Variants in NUP153 observed in about 807,000 individuals in gnomAD.
NUP153 encodes nuclear pore complex protein Nup153.
A neutral mutation model predicts 134.6 loss-of-function variants in NUP153; 27 were observed. That is an observed-to-expected ratio of 0.20 (90% CI 0.15 to 0.28). The LOEUF (loss-of-function observed/expected upper bound fraction) is 0.28. Among genes scored for constraint, NUP153 ranks in the 10% least tolerant of loss-of-function variants. The pLI, the probability that NUP153 is intolerant of heterozygous loss-of-function variation, is 1.00. For synonymous variants in NUP153, 640 were observed against 623.5 expected, an observed-to-expected ratio of 1.03 and a Z score of -0.40; for missense variants, 1,821 against 1,731.3, an observed-to-expected ratio of 1.05 and a Z score of -0.92.
chr6:17,675,325 G>A lies in NUP153; in HGVS notation c.627C>T (p.Ser209=), dbSNP rs1253402659. The change falls in exon 4 of 22, where the codon TCC becomes TCT. Residue 209 remains serine, a synonymous_variant. Coordinates refer to ENST00000262077, the MANE Select transcript of NUP153 (RefSeq NM_005124.4). The surrounding 1 kb of genome is among the most constrained non-coding windows in gnomAD (Gnocchi z 4.4). ...SKNTSLPPLW[S]PEAERSHSLS... ...GTGAGTGAGAACGTTCAGCTTCTGGGGACCACAGAGGTGGCAATGAAGTGT... is the reference window on the plus strand; with the variant it reads ...GTGAGTGAGAACGTTCAGCTTCTGGAGACCACAGAGGTGGCAATGAAGTGT... 1.2e-6 allele frequency: 2 copies of A among 1,613,830 alleles called. No individual in the cohort carries two copies.
intron 2 of NUP153, among the ~76,000 whole-genome samples, chr6:17,682,270 G>C (rs888260012): frequency 6.6e-6 from 1 of 152,124 alleles, no homozygotes; most frequent in African/African-American, 2.4e-5. Flanking sequence ...ATAACAATCT[G>C]CTGAGCCTTT....
At chr6:17,662,209 T>C in intron 9 of NUP153, 139 bp from the exon 10 acceptor site, 1 of 724,428 alleles carries the variant, frequency 1.4e-6, no homozygotes, top group Non-Finnish European at 2.3e-6. Flanking sequence ...AATTTGAAAT[T>C]ACACCCTGCC....
intron 1 of NUP153, among the ~76,000 whole-genome samples, chr6:17,699,264 A>G (rs896535646): frequency 2.0e-5 from 3 of 151,604 alleles, no homozygotes; most frequent in African/African-American, 7.3e-5. Context: ...TGGGAATCTG[A>G]GGCAGGCAGA....
At chr6:17,626,224 T>C in intron 18 of NUP153, 60 bp from the exon 19 acceptor site, 1 of 1,318,834 alleles carries the variant, frequency 7.6e-7, no homozygotes, top group Admixed American at 2.0e-5. Flanking sequence ...AGAAAGTACT[T>C]TTTCCTACCC....
intron 5 of NUP153, among the ~76,000 whole-genome samples, chr6:17,671,869 A>G (rs575019119): frequency 2.0e-5 from 3 of 152,250 alleles, no homozygotes; most frequent in African/African-American, 7.2e-5. Flanking sequence ...TTAGTGGGGC[A>G]TGGTGGTGTG....
At chr6:17,630,540 G>A (rs1179622554) in intron 17 of NUP153, among the ~76,000 whole-genome samples, 1 of 152,106 alleles carries the variant, frequency 6.6e-6, no homozygotes, top group Non-Finnish European at 1.5e-5. Flanking sequence ...GTCTGTGCCT[G>A]TAGTCTCAGC....
At position 17,615,968 on chromosome 6, in the gene NUP153, G is replaced by A; in HGVS notation, c.*129C>T. 3.3e-6 allele frequency: 2 copies of A among 606,938 alleles called. No individual in the cohort carries two copies. The allele number at this position is 606,938 out of a possible 1,614,324, so 37.6% of individuals were successfully genotyped here. On this transcript the variant is annotated 3_prime_UTR_variant, in exon 22 of 22. Coordinates refer to ENST00000262077, the MANE Select transcript of NUP153 (RefSeq NM_005124.4). The surrounding 1 kb of genome is among the most constrained non-coding windows in gnomAD (Gnocchi z 5.7). ...GCTTCTGTAACGAAAGAGAAAGGAG[G>A]AAAATTCCAAAATTAAAGAAGTCCT...
intron 11 of NUP153, among the ~76,000 whole-genome samples, chr6:17,659,580 C>A (rs1205422809): frequency 1.3e-5 from 2 of 152,178 alleles, no homozygotes; most frequent in East Asian, 3.9e-4. Flanking sequence ...TCAAGTGATT[C>A]TCCTGCCTCA....
chr6:17,622,295 C>A (rs868618063), intron 20 of NUP153, among the ~76,000 whole-genome samples: 1 of 152,002 alleles, frequency 6.6e-6, no homozygotes, highest in Admixed American at 6.6e-5. Context: ...ACAAACCACG[C>A]CCCCCTCCAA....
chr6:17,663,968 A>G (rs995390606), intron 9 of NUP153, among the ~76,000 whole-genome samples: 3 of 152,196 alleles, frequency 2.0e-5, no homozygotes, highest in Non-Finnish European at 4.4e-5. Context: ...TTATACATAA[A>G]TGTTGACAGG....
intron 18 of NUP153, among the ~76,000 whole-genome samples, 183 bp from the exon 19 acceptor site, chr6:17,626,347 A>G (rs1057119376): frequency 5.3e-5 from 8 of 152,242 alleles, no homozygotes; most frequent in Admixed American, 2.0e-4. Flanking sequence ...AGTCAAATAC[A>G]TTCATCTTCT....
intron 8 of NUP153, among the ~76,000 whole-genome samples, chr6:17,667,550 T>TA (rs529353984): frequency 6.6e-6 from 1 of 151,908 alleles, no homozygotes; most frequent in Non-Finnish European, 1.5e-5. Flanking sequence ...CCATCTCTAC[T>TA]AAAAATACAA....
rs1769118123 is a variant in NUP153 at position 17,689,012 on chromosome 6, T to C, written c.112-394A>G. 1.3e-5 allele frequency among the ~76,000 whole-genome samples: 2 copies of C among 152,106 alleles called. 1 individual carries two copies. The highest frequency in any genetic ancestry group is 4.1e-4 in the South Asian group (2 of 4,836). On this transcript the variant is annotated intron_variant, in intron 1 of 21. Transcript: ENST00000262077. ...ACTTTCAATAGCTTTCTCAAGCAAT[T>C]ATTTTACTGCACATGCTTTAAGATA...
chr6:17,699,346 C>T (rs1488159070), intron 1 of NUP153, among the ~76,000 whole-genome samples: 1 of 151,270 alleles, frequency 6.6e-6, no homozygotes, highest in Non-Finnish European at 1.5e-5. Flanking sequence ...GATATAAAAA[C>T]TTAGCCAGGA....
chr6:17,632,471 T>C (rs1454557124), intron 17 of NUP153, among the ~76,000 whole-genome samples, 179 bp downstream of exon 17: 2 of 152,196 alleles, frequency 1.3e-5, no homozygotes, highest in African/African-American at 4.8e-5. Context: ...AAGCAACTAA[T>C]ATGACCTTAC....
intron 20 of NUP153, among the ~76,000 whole-genome samples, chr6:17,624,045 G>GA (rs968379041): frequency 3.0e-4 from 46 of 151,934 alleles, no homozygotes; most frequent in African/African-American, 1.1e-3. Flanking sequence ...TTCACAATTA[G>GA]AAAAAAATCA....
At chr6:17,650,613 A>G (rs1205577279) in intron 11 of NUP153, among the ~76,000 whole-genome samples, 1 of 151,666 alleles carries the variant, frequency 6.6e-6, no homozygotes, top group Admixed American at 6.6e-5. Flanking sequence ...GCCCAAAGCA[A>G]AATAAAGGCA....
intron 13 of NUP153, among the ~76,000 whole-genome samples, chr6:17,647,344 T>C (rs890122662): frequency 2.6e-5 from 4 of 152,256 alleles, no homozygotes; most frequent in African/African-American, 9.6e-5. Context: ...ACACATGTTT[T>C]AACTAAATGC....
chr6:17,690,715 CAAT>C (rs1001033138), intron 1 of NUP153, among the ~76,000 whole-genome samples: 3 of 151,846 alleles, frequency 2.0e-5, no homozygotes, highest in African/African-American at 7.3e-5. Context: ...GTACAGAAAA[CAAT>C]AAAATCAAGG....
Sources: allele counts gnomAD v4.1 joint callset (sites outside exome capture counted in the v4.1 genomes callset), GRCh38; gene constraint gnomAD v4.1.1; non-coding constraint Gnocchi (gnomAD v3.1); transcripts MANE v1.5; gene names NCBI Gene and HGNC (gene_info 2026-07-23, HGNC 2026-07-21).